SGCD: variants seen among roughly 807,000 people sequenced by gnomAD.
SGCD encodes sarcoglycan delta, also known as delta-sarcoglycan.
In SGCD, 18 loss-of-function variants were observed where a neutral mutation model predicts 36.6. That is an observed-to-expected ratio of 0.49 (90% CI 0.34 to 0.73). The LOEUF is 0.73. Among genes scored for constraint, SGCD ranks in the 30% least tolerant of loss-of-function variants. The pLI, the probability that SGCD is intolerant of heterozygous loss-of-function variation, is 0.01. For synonymous variants in SGCD, 133 were observed against 130.6 expected (o/e 1.02, Z -0.12); for missense variants, 387 against 346.7 (o/e 1.12, Z -0.92).
chr5:155,839,405 C>G, the SGCD span, among the ~76,000 whole-genome samples: 3 of 152,066 alleles, frequency 2.0e-5, no homozygotes, highest in South Asian at 2.1e-4. Flanking sequence ...ATGCCTGAGG[C>G]CTTTTACCTT....
At chr5:156,752,819 C>A (rs1051253708) in intron 7 of SGCD, among the ~76,000 whole-genome samples, 1 of 152,194 alleles carries the variant, frequency 6.6e-6, no homozygotes, top group African/African-American at 2.4e-5. Context: ...GAAGCCCTGG[C>A]AACCACTGGC....
chr5:156,073,872 A>G (rs970471311), intron 1 of SGCD, among the ~76,000 whole-genome samples: 6 of 152,230 alleles, frequency 3.9e-5, no homozygotes, highest in South Asian at 2.1e-4. Context: ...CAAGGGCTCT[A>G]TGAAGCAAGG....
intron 4 of SGCD, among the ~76,000 whole-genome samples, chr5:156,536,704 A>T (rs1471694757): frequency 6.6e-6 from 1 of 152,160 alleles, no homozygotes; most frequent in Non-Finnish European, 1.5e-5. Flanking sequence ...TTTTCTTTCC[A>T]CTGAAAGTTA....
At chr5:156,304,229 T>A (rs910003919) in intron 3 of SGCD, among the ~76,000 whole-genome samples, 1 of 152,222 alleles carries the variant, frequency 6.6e-6, no homozygotes, top group Admixed American at 6.5e-5. Flanking sequence ...CTTTTTGCTA[T>A]GACAAGTTAG....
At chr5:156,145,280 T>TC (rs975889807) in intron 3 of SGCD, among the ~76,000 whole-genome samples, 1 of 152,150 alleles carries the variant, frequency 6.6e-6, no homozygotes, top group African/African-American at 2.4e-5. Context: ...AAGTTCTGGC[T>TC]CCCCCTTCTC....
chr5:156,560,897 A>G (rs994628391), intron 4 of SGCD, among the ~76,000 whole-genome samples: 1 of 152,190 alleles, frequency 6.6e-6, no homozygotes, highest in Non-Finnish European at 1.5e-5. Flanking sequence ...TGATTAAGTC[A>G]GTAACTATTG....
chr5:156,291,677 A>G (rs935068325), intron 3 of SGCD, among the ~76,000 whole-genome samples: 24 of 152,150 alleles, frequency 1.6e-4, no homozygotes, highest in African/African-American at 5.5e-4. Flanking sequence ...TATTCTCACG[A>G]AACTTGCCTT....
At chr5:156,163,338 G>A (rs1763128656) in intron 3 of SGCD, among the ~76,000 whole-genome samples, 1 of 151,558 alleles carries the variant, frequency 6.6e-6, no homozygotes, top group Non-Finnish European at 1.5e-5. Context: ...CCCTGTCAGA[G>A]TCCATGTTTC....
chr5:156,739,949 T>C (rs1756584491), intron 7 of SGCD: 1 of 152,312 alleles, frequency 6.6e-6, no homozygotes, highest in South Asian at 2.1e-4. Context: ...TTATGGTTTA[T>C]GAATCTAAAT....
At chr5:156,069,142 T>C (rs1446463374) in intron 1 of SGCD, among the ~76,000 whole-genome samples, 2 of 152,174 alleles carry the variant, frequency 1.3e-5, no homozygotes, top group Non-Finnish European at 2.9e-5. Flanking sequence ...ATCCCATTTG[T>C]CAATTTTGGC....
chr5:156,196,377 A>G (rs1395288446), intron 3 of SGCD, among the ~76,000 whole-genome samples: 1 of 152,216 alleles, frequency 6.6e-6, no homozygotes, highest in Non-Finnish European at 1.5e-5. Context: ...GCAGCCTTAC[A>G]TATCAGCTGG....
chr5:156,617,271 A>G (rs1342905291), intron 6 of SGCD, among the ~76,000 whole-genome samples: 1 of 152,164 alleles, frequency 6.6e-6, no homozygotes, highest in Non-Finnish European at 1.5e-5. Flanking sequence ...GCGTGCCCCT[A>G]AGTTGCAAGA....
rs1461985778 is a variant in SGCD at position 156,059,170 on chromosome 5, A to C, written c.-281-58708A>C. Among the ~76,000 whole-genome samples the C allele has an allele frequency of 1.4e-5, 2 of 145,500 alleles. 1 individual carries two copies. The highest frequency in any genetic ancestry group is 3.1e-5 in the Non-Finnish European group (2 of 64,684). The stretch of plus-strand genomic sequence containing the variant: ...TTTTTGAGGGCAGTTCTGTTGATTA[A>C]ATTGTCCCACCTCGTGAATGACTAG... On this transcript the variant is annotated intron_variant, in intron 1 of 9. Transcript: ENST00000517913.
intron 3 of SGCD, among the ~76,000 whole-genome samples, chr5:156,370,288 G>A (rs377042120): frequency 5.9e-4 from 90 of 152,272 alleles, no homozygotes; most frequent in African/African-American, 2.0e-3. Context: ...GTGGGATTGA[G>A]GACAGCTCTC....
intron 1 of SGCD, among the ~76,000 whole-genome samples, chr5:155,983,303 C>T (rs958681925): frequency 3.9e-5 from 6 of 152,162 alleles, no homozygotes; most frequent in African/African-American, 1.2e-4. Flanking sequence ...AGGGCTCAAA[C>T]GCAGGGCTCT....
intron 1 of SGCD, among the ~76,000 whole-genome samples, chr5:156,015,692 C>A (rs530698553): frequency 6.6e-6 from 1 of 150,778 alleles, no homozygotes; most frequent in Non-Finnish European, 1.5e-5. Context: ...ACTTTTGTAA[C>A]GAATGAATGA....
At chr5:156,001,479 G>A (rs535891466) in intron 1 of SGCD, among the ~76,000 whole-genome samples, 12 of 152,204 alleles carry the variant, frequency 7.9e-5, no homozygotes, top group Non-Finnish European at 1.2e-4. Flanking sequence ...TTGCTCTCAC[G>A]TTGTGGATAA....
intron 3 of SGCD, among the ~76,000 whole-genome samples, chr5:156,165,632 G>A (rs967098162): frequency 6.6e-6 from 1 of 152,200 alleles, no homozygotes; most frequent in African/African-American, 2.4e-5. Flanking sequence ...ACTTGAAAGA[G>A]TGCTTCAGAC....
chr5:156,162,061 C>G (rs1763098851), intron 3 of SGCD, among the ~76,000 whole-genome samples: 1 of 141,488 alleles, frequency 7.1e-6, no homozygotes, highest in Non-Finnish European at 1.5e-5. Context: ...CTCTAGGAAA[C>G]AGAATGTGTG....
Sources: allele counts gnomAD v4.1 joint callset (sites outside exome capture counted in the v4.1 genomes callset), GRCh38; gene constraint gnomAD v4.1.1; transcripts MANE v1.5; gene names NCBI Gene and HGNC (gene_info 2026-07-23, HGNC 2026-07-21).